GTPBP10: variants seen among roughly 807,000 people sequenced by gnomAD.
GTPBP10 encodes GTP binding protein 10, also known as GTP-binding protein 10.
A neutral mutation model predicts 44.8 loss-of-function variants in GTPBP10; 38 were observed. The ratio of observed to expected loss-of-function variants is 0.85; its 90% CI spans 0.65 to 1.11. GTPBP10 has a LOEUF of 1.11. Ranked by LOEUF, GTPBP10 falls within the 50% of genes most tolerant of loss-of-function variation. The pLI is 0.00. For synonymous variants in GTPBP10, 152 were observed against 150.6 expected (o/e 1.01, Z -0.07); for missense variants, 462 against 453.7 (o/e 1.02, Z -0.17).
chr7:90,356,577 TGGCCA>T (rs543704968), intron 4 of GTPBP10, among the ~76,000 whole-genome samples: 270 of 152,350 alleles, frequency 1.8e-3, no homozygotes, highest in African/African-American at 6.2e-3. Flanking sequence ...CTCTGGAGGC[TGGCCA>T]GCTGGTCTTG....
Position 90,388,805 on chromosome 7 carries a change from C to T in GTPBP10, c.*3651C>T, listed in dbSNP as rs995574352. ...AATGAAAGCTACAGACTTGTCTTGC[C>T]GAAAAATGTACATAAACACATAAAC... On this transcript the variant is annotated 3_prime_UTR_variant, in exon 10 of 10. Transcript: ENST00000222511. 9.2e-5 allele frequency: 14 copies of T among 151,886 alleles called. No homozygotes were observed. Among genetic ancestry groups the T allele is most frequent in the Admixed American group, 2.0e-4 (3 of 15,242 alleles). The allele number at this position is 151,886 out of a possible 1,614,324, so 9.4% of individuals were successfully genotyped here. A position where few individuals can be genotyped will look rare whatever the true frequency, so the allele number is the denominator to read the frequency against.
At chr7:90,367,170 G>A (rs908352297) in intron 4 of GTPBP10, among the ~76,000 whole-genome samples, 7 of 152,106 alleles carry the variant, frequency 4.6e-5, no homozygotes, top group Non-Finnish European at 8.8e-5. Flanking sequence ...TGTGTTTTCT[G>A]TTCTTTTGCA....
chr7:90,377,361 TCTTATA>T (rs1796358347), intron 6 of GTPBP10, 140 bp from the exon 7 acceptor site: 1 of 509,216 alleles, frequency 2.0e-6, no homozygotes, highest in East Asian at 3.0e-5. Flanking sequence ...TTAATTTTAC[TCTTATA>T]CTTGGCTTTT....
chr7:90,377,367 ACTTGG>A, intron 6 of GTPBP10, 135 bp from the exon 7 acceptor site: 1 of 524,128 alleles, frequency 1.9e-6, no homozygotes, highest in Non-Finnish European at 3.4e-6. Flanking sequence ...TTACTCTTAT[ACTTGG>A]CTTTTCAAAG....
chr7:90,364,283 T>C (rs1043965262), intron 4 of GTPBP10, among the ~76,000 whole-genome samples: 1 of 152,190 alleles, frequency 6.6e-6, no homozygotes, highest in Non-Finnish European at 1.5e-5. Context: ...ACCTTTGGTC[T>C]TTGATGATGG....
chr7:90,364,065 T>C (rs925558114), intron 4 of GTPBP10, among the ~76,000 whole-genome samples: 1 of 152,214 alleles, frequency 6.6e-6, no homozygotes, highest in African/African-American at 2.4e-5. Context: ...TTTAGCTTCT[T>C]TGTGATGGGT....
In GTPBP10 at chr7:90,369,639, T is replaced by G. The variant is rs572068067; in HGVS notation, c.465-2516T>G. ...ACCTGCTCAGCCAGGCACGGGAGGA[T>G]ATTTCCTGGTCTGCCGATTGCAAAG... On this transcript the variant is annotated intron_variant, in intron 4 of 9. Coordinates refer to ENST00000222511, the MANE Select transcript of GTPBP10 (RefSeq NM_033107.4). Among the ~76,000 whole-genome samples the G allele has an allele frequency of 2.6e-5, 4 of 152,300 alleles. No homozygotes were observed. In the East Asian group the frequency reaches 7.7e-4, roughly 29 times the overall value.
chr7:90,361,783 TATTA>T (rs1264342078), intron 4 of GTPBP10, among the ~76,000 whole-genome samples: 3 of 152,212 alleles, frequency 2.0e-5, no homozygotes, highest in Non-Finnish European at 4.4e-5. Context: ...GTTGGTAGGC[TATTA>T]ATTATTGCCT....
At chr7:90,352,773 T>TA (rs1488149073) in intron 1 of GTPBP10, 43 bp from the exon 2 acceptor site, 2 of 1,462,582 alleles carry the variant, frequency 1.4e-6, no homozygotes, top group Admixed American at 4.4e-5. Flanking sequence ...TCTAAGGTGA[T>TA]ACACTTTTGG....
At chr7:90,369,224 G>A (rs892718152) in intron 4 of GTPBP10, among the ~76,000 whole-genome samples, 1 of 152,172 alleles carries the variant, frequency 6.6e-6, no homozygotes, top group Non-Finnish European at 1.5e-5. Flanking sequence ...CTACTGGGAG[G>A]TGTCTCCCAG....
rs757620202 is a variant in GTPBP10 at position 90,385,054 on chromosome 7, A to G, written c.1064A>G (p.His355Arg). 20 of 1,613,850 alleles carry G rather than the reference A, an allele frequency of 1.2e-5. No homozygotes were observed. The highest frequency in any genetic ancestry group is 1.2e-4 in the South Asian group (11 of 91,078). ...GCCAACCAGGAAAATGATGCACTTC[A>G]TAAGAAACAGTTGCTTAATTTGTGG... The part of the protein sequence containing the change: ...EQANQENDAL[H>R]KKQLLNLWIS... The change falls in exon 10 of 10, where the codon CAT becomes CGT. Residue 355 changes from histidine (H) to arginine (R), a missense_variant. Coordinates refer to ENST00000222511, the MANE Select transcript of GTPBP10 (RefSeq NM_033107.4).
intron 1 of GTPBP10, 84 bp from the exon 2 acceptor site, chr7:90,352,732 G>A: frequency 1.9e-6 from 2 of 1,079,756 alleles, no homozygotes; most frequent in South Asian, 4.3e-5. Flanking sequence ...TTTAGAAGAA[G>A]TTTTAGTGGA....
rs538991480 is a variant in GTPBP10, at chr7:90,362,708, G to C, written c.464+7478G>C. Among the ~76,000 whole-genome samples, 98 of 152,264 alleles carry C rather than the reference G, an allele frequency of 6.4e-4. 1 individual carries two copies. Among genetic ancestry groups the C allele is most frequent in the African/African-American group, 2.3e-3 (96 of 41,556 alleles). On this transcript the variant is annotated intron_variant, in intron 4 of 9. Coordinates refer to ENST00000222511, the MANE Select transcript of GTPBP10 (RefSeq NM_033107.4). Reference sequence around the variant, plus strand: ...ATCCTGGTTAACTTTCTGTCTTGTTGATCTGTCTAATGTTGACAGTGGGGT... The same window carrying C: ...ATCCTGGTTAACTTTCTGTCTTGTTCATCTGTCTAATGTTGACAGTGGGGT...
intron 7 of GTPBP10, 31 bp from the exon 8 acceptor site, chr7:90,378,103 A>T (rs1423250655): frequency 1.1e-5 from 17 of 1,588,120 alleles, no homozygotes; most frequent in Non-Finnish European, 1.5e-5. Flanking sequence ...TCGTATGTTA[A>T]AGGCTGTCTC....
At chr7:90,358,574 TAATG>T (rs1416399739) in intron 4 of GTPBP10, among the ~76,000 whole-genome samples, 2 of 152,156 alleles carry the variant, frequency 1.3e-5, no homozygotes, top group Non-Finnish European at 2.9e-5. Context: ...AAATGTAGAA[TAATG>T]AAACTGCATT....
At chr7:90,359,156 T>A (rs979806688) in intron 4 of GTPBP10, among the ~76,000 whole-genome samples, 5 of 152,098 alleles carry the variant, frequency 3.3e-5, no homozygotes, top group African/African-American at 4.8e-5. Flanking sequence ...TTAAAAAAAT[T>A]TTTTTTATTA....
chr7:90,353,478 A>G (rs1241812060), intron 2 of GTPBP10, among the ~76,000 whole-genome samples: 1 of 152,218 alleles, frequency 6.6e-6, no homozygotes, highest in Admixed American at 6.5e-5. Flanking sequence ...AGAGTACAGT[A>G]TTTTACAATC....
intron 4 of GTPBP10, among the ~76,000 whole-genome samples, chr7:90,363,276 T>C (rs1291196463): frequency 6.6e-6 from 1 of 152,210 alleles, no homozygotes; most frequent in Non-Finnish European, 1.5e-5. Flanking sequence ...CTGGTACCGG[T>C]TGTTCCTTTC....
At position 90,355,152 on chromosome 7, in the gene GTPBP10, C is replaced by T. The variant is rs1397497137; in HGVS notation, c.386C>T (p.Thr129Ile). ...GGAGGTCTTGGTGGTAAATTACTTA[C>T]AAATTTCTTACCATTGAAAGGCCAG... ...AQGGLGGKLL[T>I]NFLPLKGQKR... Residue 129 changes from threonine (T) to isoleucine (I), a missense_variant, in exon 4 of 10, where the codon ACA becomes ATA. Thr to Ile is a moderately conservative substitution (Grantham distance 89). Transcript: ENST00000222511. The T allele has an allele frequency of 6.2e-7, 1 of 1,605,360 alleles. No individual in the cohort carries two copies. The highest frequency in any genetic ancestry group is 1.1e-5 in the South Asian group (1 of 90,480).
Sources: gnomAD v4.1 joint callset for allele counts (sites outside exome capture counted in the v4.1 genomes callset) on GRCh38, gnomAD v4.1.1 for gene constraint, MANE v1.5 for transcripts, NCBI Gene and HGNC (gene_info 2026-07-23, HGNC 2026-07-21) for gene names.